Variants in TIAM1 observed in about 807,000 individuals in gnomAD.
TIAM1 encodes the protein TIAM Rac1 associated GEF 1, also known as rho guanine nucleotide exchange factor TIAM1.
A neutral mutation model predicts 163.5 loss-of-function variants in TIAM1; 65 were observed. The observed-to-expected ratio is 0.40, with a 90% CI of 0.33 to 0.49. TIAM1 has a LOEUF of 0.49. Among genes scored for constraint, TIAM1 ranks in the 20% least tolerant of loss-of-function variants. The pLI is 0.77. For synonymous variants in TIAM1, 833 were observed against 810.1 expected, an observed-to-expected ratio of 1.03 and a Z score of -0.48; for missense variants, 1,789 against 2,044.7, an observed-to-expected ratio of 0.87 and a Z score of 2.41.
At chr21:31,276,056 C>T (rs1321013651) in intron 3 of TIAM1, among the ~76,000 whole-genome samples, 1 of 151,958 alleles carries the variant, frequency 6.6e-6, no homozygotes, top group East Asian at 1.9e-4. Context: ...CACAAGACAA[C>T]AGATTGCAAA....
chr21:31,178,345 C>T (rs1215537307), intron 15 of TIAM1, among the ~76,000 whole-genome samples: 6 of 117,920 alleles, frequency 5.1e-5, no homozygotes, highest in African/African-American at 1.9e-4. Flanking sequence ...GTCTCGCTAT[C>T]GCCCAGGCTG....
chr21:31,510,825 A>C (rs1205577458), intron 1 of TIAM1, among the ~76,000 whole-genome samples: 2 of 152,146 alleles, frequency 1.3e-5, no homozygotes, highest in African/African-American at 2.4e-5. Context: ...AAAAAAAAAA[A>C]AACAAAAAAA....
intron 1 of TIAM1, among the ~76,000 whole-genome samples, chr21:31,502,651 G>T (rs2046885426): frequency 6.6e-6 from 1 of 152,186 alleles, no homozygotes; most frequent in Non-Finnish European, 1.5e-5. Flanking sequence ...CATTCAGGAC[G>T]CTGCCTTAAG....
At chr21:31,319,637 G>A (rs985926385) in intron 2 of TIAM1, among the ~76,000 whole-genome samples, 3 of 151,802 alleles carry the variant, frequency 2.0e-5, no homozygotes, top group Admixed American at 6.6e-5. Context: ...AAAAGTAGTC[G>A]GGCATGGTGG....
intron 2 of TIAM1, among the ~76,000 whole-genome samples, chr21:31,300,924 T>C (rs1341718943): frequency 1.3e-5 from 2 of 152,212 alleles, no homozygotes; most frequent in African/African-American, 2.4e-5. Flanking sequence ...AGCTATCTCA[T>C]GGTAGGAGGT....
chr21:31,542,162 A>C (rs1266586641), intron 1 of TIAM1, among the ~76,000 whole-genome samples: 3 of 152,162 alleles, frequency 2.0e-5, no homozygotes, highest in East Asian at 1.9e-4. Flanking sequence ...GCGGTGGCTC[A>C]CGCCTGTAAT....
chr21:31,132,102 TACACCAG>T (rs895528367), intron 23 of TIAM1, among the ~76,000 whole-genome samples: 18 of 152,222 alleles, frequency 1.2e-4, no homozygotes, highest in African/African-American at 4.3e-4. Context: ...CACAGCCTTG[TACACCAG>T]ACACAGAATT....
intron 10 of TIAM1, chr21:31,212,606 C>CTTTTTTT (rs35838120): frequency 9.6e-5 from 9 of 93,754 alleles, no homozygotes; most frequent in African/African-American, 2.3e-4. Flanking sequence ...GCCTGTGAAT[C>CTTTTTTT]TTTTTTTTTT....
chr21:31,464,997 G>A (rs189895587), intron 1 of TIAM1, among the ~76,000 whole-genome samples: 1 of 152,058 alleles, frequency 6.6e-6, no homozygotes, highest in East Asian at 1.9e-4. Flanking sequence ...GGGACAGAGT[G>A]AGACTCTGCC....
At chr21:31,124,475 C>A (rs149645284) in intron 27 of TIAM1, 47 bp downstream of exon 27, 1 of 1,606,674 alleles carries the variant, frequency 6.2e-7, no homozygotes, top group Non-Finnish European at 8.5e-7. Flanking sequence ...AGTTCTACTG[C>A]GGAGTGGGGG....
intron 4 of TIAM1, among the ~76,000 whole-genome samples, chr21:31,255,632 T>G (rs1465121630): frequency 6.6e-6 from 1 of 152,176 alleles, no homozygotes; most frequent in Non-Finnish European, 1.5e-5. Flanking sequence ...CAGGGGAGCC[T>G]CAGCAGTTTT....
At chr21:31,192,265 A>C (rs911604559) in intron 13 of TIAM1, among the ~76,000 whole-genome samples, 1 of 152,150 alleles carries the variant, frequency 6.6e-6, no homozygotes, top group Non-Finnish European at 1.5e-5. Flanking sequence ...AAGGTGCAGA[A>C]GGAATGTAAT....
chr21:31,210,590 GAAAGAGAGAAA>G (rs2086697707), intron 10 of TIAM1, among the ~76,000 whole-genome samples: 2 of 105,326 alleles, frequency 1.9e-5, no homozygotes, highest in African/African-American at 1.0e-4. Context: ...AAGAAAGAAA[GAAAGAGAGAAA>G]GAAGGAAGGA....
chr21:31,481,351 C>A (rs1168889461), intron 1 of TIAM1, among the ~76,000 whole-genome samples: 1 of 152,170 alleles, frequency 6.6e-6, no homozygotes, highest in Non-Finnish European at 1.5e-5. Flanking sequence ...ACTTCTGACA[C>A]CAAATGTGTG....
chr21:31,424,257 A>G (rs2043702182), intron 2 of TIAM1, among the ~76,000 whole-genome samples: 1 of 152,216 alleles, frequency 6.6e-6, no homozygotes, highest in South Asian at 2.1e-4. Flanking sequence ...GCTCATTTCT[A>G]AAGAAATAAA....
chr21:31,441,207 C>A lies in TIAM1; in HGVS notation c.-369+22776G>T, dbSNP rs568311686. On this transcript the variant is annotated intron_variant, in intron 2 of 28. Coordinates refer to the TIAM1 transcript ENST00000286827. The stretch of plus-strand genomic sequence containing the variant: ...TTGCCTTTTTCCATGTGAAAGCTCA[C>A]AGCACAACAGAATCATGGCCCATTA... Among the ~76,000 whole-genome samples the A allele has an allele frequency of 3.3e-5, 5 of 152,318 alleles. No individual in the cohort carries two copies. The East Asian group carries it at 9.7e-4, about 29-fold the overall frequency.
rs1369249571 is a variant in TIAM1 at position 31,175,296 on chromosome 21, G to C, written c.2887+7125C>G. ...TGGGCTACTCACTGAGGTAAACCAAGGCACCTGCTTCGCCCCAACTGGTCA... is the reference window on the plus strand; with the variant it reads ...TGGGCTACTCACTGAGGTAAACCAACGCACCTGCTTCGCCCCAACTGGTCA... On this transcript the variant is annotated intron_variant, in intron 15 of 27. Coordinates refer to ENST00000541036, the MANE Select transcript of TIAM1 (RefSeq NM_001353694.2). 5.9e-5 allele frequency among the ~76,000 whole-genome samples: 9 copies of C among 152,234 alleles called. No individual in the cohort carries two copies. In the East Asian group the frequency reaches 9.7e-4, roughly 16 times the overall value.
chr21:31,348,934 A>C (rs975746254), upstream of TIAM1, among the ~76,000 whole-genome samples: 1 of 152,214 alleles, frequency 6.6e-6, no homozygotes, highest in Non-Finnish European at 1.5e-5. Context: ...ATACCTAACA[A>C]ATACATAGAG....
intron 1 of TIAM1, among the ~76,000 whole-genome samples, chr21:31,509,063 T>C (rs971357227): frequency 2.0e-5 from 3 of 152,156 alleles, no homozygotes; most frequent in African/African-American, 7.2e-5. Flanking sequence ...AGCTGGGTCA[T>C]AGAGCAGGCC....
Sources: gnomAD v4.1 joint callset for allele counts (sites outside exome capture counted in the v4.1 genomes callset) on GRCh38, gnomAD v4.1.1 for gene constraint, MANE v1.5 for transcripts, NCBI Gene and HGNC (gene_info 2026-07-23, HGNC 2026-07-21) for gene names.